Variants in GSE1 observed in about 807,000 individuals in gnomAD.
The protein encoded by GSE1 is Gse1 coiled-coil protein.
GSE1 carries 32 observed loss-of-function variants against 112.6 expected under a neutral mutation model. That is an observed-to-expected ratio of 0.28 (90% CI 0.21 to 0.38). GSE1 has a LOEUF of 0.38. Among genes scored for constraint, GSE1 ranks in the 10% least tolerant of loss-of-function variants. GSE1 has a pLI of 1.00. For synonymous variants in GSE1, 1,115 were observed against 735.6 expected, an observed-to-expected ratio of 1.52 and a Z score of -8.35; for missense variants, 2,348 against 1,699.2, an observed-to-expected ratio of 1.38 and a Z score of -6.71.
intron 1 of GSE1, among the ~76,000 whole-genome samples, chr16:85,236,088 C>G (rs1904631648): frequency 6.6e-6 from 1 of 152,128 alleles, no homozygotes; most frequent in Non-Finnish European, 1.5e-5. Context: ...CTCCTCCCTC[C>G]CTGGCTGCCT....
intron 2 of GSE1, among the ~76,000 whole-genome samples, chr16:85,550,551 T>C (rs1261215278): frequency 6.6e-6 from 1 of 151,770 alleles, no homozygotes; most frequent in Non-Finnish European, 1.5e-5. Flanking sequence ...TTCCTGGAAT[T>C]TGGGGAGCAG....
intron 1 of GSE1, among the ~76,000 whole-genome samples, chr16:85,350,014 C>T (rs1372719843): frequency 2.6e-5 from 4 of 152,182 alleles, no homozygotes; most frequent in African/African-American, 4.8e-5. Context: ...CCTGCATTCT[C>T]GGCTCTCACT....
intron 2 of GSE1, among the ~76,000 whole-genome samples, chr16:85,453,642 G>C (rs554467957): frequency 6.6e-6 from 1 of 152,232 alleles, no homozygotes; most frequent in East Asian, 1.9e-4. Flanking sequence ...GGCTCAGGTG[G>C]GCAGTTCCTG....
exon 1 of GSE1, chr16:85,170,374 G>T (rs796200071): frequency 2.0e-6 from 2 of 985,392 alleles, no homozygotes; most frequent in African/African-American, 3.5e-5. Context: ...AGGCCCTCTT[G>T]TCCAAGAGGC....
At chr16:85,634,337 G>A (rs1205681668) in intron 2 of GSE1, among the ~76,000 whole-genome samples, 1 of 152,242 alleles carries the variant, frequency 6.6e-6, no homozygotes, top group South Asian at 2.1e-4. Context: ...CTGTGCTTCT[G>A]TCTCTCCTGC....
intron 1 of GSE1, among the ~76,000 whole-genome samples, chr16:85,562,252 A>T (rs2045555124): frequency 6.6e-6 from 1 of 152,168 alleles, no homozygotes; most frequent in Non-Finnish European, 1.5e-5. Flanking sequence ...GATACCCCTG[A>T]GAGATGGGGA....
chr16:85,220,491 A>G (rs771026737), intron 1 of GSE1, among the ~76,000 whole-genome samples: 3 of 152,210 alleles, frequency 2.0e-5, no homozygotes, highest in Non-Finnish European at 4.4e-5. Flanking sequence ...TTCAGCTCAG[A>G]GCCGGGCCCG....
At chr16:85,248,300 G>A (rs190538915) in intron 1 of GSE1, among the ~76,000 whole-genome samples, 3 of 152,188 alleles carry the variant, frequency 2.0e-5, no homozygotes, top group East Asian at 1.9e-4. Context: ...GCCTCTGCCC[G>A]GTTTGGATTC....
intron 1 of GSE1, among the ~76,000 whole-genome samples, chr16:85,226,814 TGTGA>T (rs2075496180): frequency 9.0e-6 from 1 of 111,352 alleles, no homozygotes. Context: ...TGTGTGTGTG[TGTGA>T]AGGAGGACGA....
intron 2 of GSE1, among the ~76,000 whole-genome samples, chr16:85,413,513 G>C (rs1171744079): frequency 6.6e-6 from 1 of 152,094 alleles, no homozygotes; most frequent in South Asian, 2.1e-4. Context: ...GCTGAGGGTG[G>C]GCTGAGGGTC....
chr16:85,592,303 C>T (rs965119920), intron 1 of GSE1: 1 of 152,218 alleles, frequency 6.6e-6, no homozygotes, highest in South Asian at 2.1e-4. Context: ...GCTGGGACCA[C>T]CATGCCCAGC....
At chr16:85,506,881 C>T (rs905202208) in intron 2 of GSE1, among the ~76,000 whole-genome samples, 12 of 152,156 alleles carry the variant, frequency 7.9e-5, no homozygotes, top group African/African-American at 2.4e-4. Context: ...ACCCAGCAAT[C>T]GCTCAGCCAC....
At chr16:85,367,393 G>T (rs984605483) in intron 2 of GSE1, among the ~76,000 whole-genome samples, 1 of 152,218 alleles carries the variant, frequency 6.6e-6, no homozygotes, top group Non-Finnish European at 1.5e-5. Flanking sequence ...ACCATGCTGG[G>T]CATGGGGGGC....
chr16:85,645,530 G>T (rs1348023857), intron 2 of GSE1, among the ~76,000 whole-genome samples: 1 of 152,140 alleles, frequency 6.6e-6, no homozygotes, highest in Non-Finnish European at 1.5e-5. Flanking sequence ...GAGCACCTTT[G>T]GGAGAGCAAA....
At chr16:85,625,364 C>T (rs79549600) in intron 1 of GSE1, among the ~76,000 whole-genome samples, 5,372 of 152,304 alleles carry the variant, frequency 0.035, 192 homozygotes, top group African/African-American at 0.099. Flanking sequence ...GTCGCAGGAC[C>T]GTCGGCTCCT....
intron 2 of GSE1, among the ~76,000 whole-genome samples, chr16:85,536,231 T>C (rs1448839611): frequency 6.6e-6 from 1 of 152,172 alleles, no homozygotes; most frequent in Non-Finnish European, 1.5e-5. Context: ...CCGTGGGGCC[T>C]CCCTGGCTTG....
intron 1 of GSE1, among the ~76,000 whole-genome samples, chr16:85,259,263 C>A (rs1907413836): frequency 6.6e-6 from 1 of 152,112 alleles, no homozygotes; most frequent in Non-Finnish European, 1.5e-5. Flanking sequence ...CAGCCCCCGT[C>A]CTGCCCTGTG....
At chr16:85,190,072 C>T (rs991941871) in intron 1 of GSE1, among the ~76,000 whole-genome samples, 22 of 152,112 alleles carry the variant, frequency 1.4e-4, no homozygotes, top group East Asian at 1.9e-4. Context: ...ATGAAAACAC[C>T]GGGACTGTTC....
chr16:85,514,897 A>T (rs1489233195), intron 2 of GSE1, among the ~76,000 whole-genome samples: 3 of 152,014 alleles, frequency 2.0e-5, no homozygotes, highest in African/African-American at 7.3e-5. Context: ...GTGCATGCAC[A>T]TGTGCGTGTG....
Sources: gnomAD v4.1 joint callset for allele counts (sites outside exome capture counted in the v4.1 genomes callset) on GRCh38, gnomAD v4.1.1 for gene constraint, MANE v1.5 for transcripts, NCBI Gene and HGNC (gene_info 2026-07-23, HGNC 2026-07-21) for gene names.